The following FARS2 variants were observed in gnomAD, a reference collection of about 807,000 sequenced individuals.
The protein encoded by FARS2 is phenylalanyl-tRNA synthetase 2, mitochondrial, also known as phenylalanine--tRNA ligase, mitochondrial.
FARS2 carries 40 observed loss-of-function variants against 46.4 expected under a neutral mutation model. The observed-to-expected ratio is 0.86, with a 90% confidence interval of 0.67 to 1.12. The LOEUF (loss-of-function observed/expected upper bound fraction) is 1.12, where lower values mean the gene tolerates loss of function less well. FARS2 is among the 50% of genes most tolerant of loss of function. FARS2 has a pLI of 0.00. For missense variants in FARS2, 513 were observed against 567.9 expected (o/e 0.90, Z 0.98); for synonymous variants, 234 against 214.9 (o/e 1.09, Z -0.78).
intron 6 of FARS2, among the ~76,000 whole-genome samples, chr6:5,738,113 G>A (rs958887268): frequency 6.6e-6 from 1 of 152,114 alleles, no homozygotes; most frequent in African/African-American, 2.4e-5. Context: ...ACCACGCCCA[G>A]CTAATTTTTT....
At chr6:5,448,158 C>A (rs1473162852) in intron 4 of FARS2, among the ~76,000 whole-genome samples, 1 of 152,164 alleles carries the variant, frequency 6.6e-6, no homozygotes, top group Non-Finnish European at 1.5e-5. Flanking sequence ...AGAATCCTGG[C>A]ATGTGAGGCT....
intron 4 of FARS2, among the ~76,000 whole-genome samples, chr6:5,502,244 T>G (rs1767847557): frequency 6.6e-6 from 1 of 152,218 alleles, no homozygotes; most frequent in Non-Finnish European, 1.5e-5. Context: ...TTATAGCAAT[T>G]TATTCGTTAA....
intron 4 of FARS2, among the ~76,000 whole-genome samples, chr6:5,461,384 C>A (rs1034141737): frequency 6.6e-6 from 1 of 152,134 alleles, no homozygotes; most frequent in Non-Finnish European, 1.5e-5. Flanking sequence ...CAGTTTTTCT[C>A]CCTGGGACTT....
intron 3 of FARS2, among the ~76,000 whole-genome samples, chr6:5,422,864 T>A (rs1365375759): frequency 6.6e-6 from 1 of 152,280 alleles, no homozygotes; most frequent in South Asian, 2.1e-4. Context: ...TGAAAAAAAA[T>A]ACCCACTGAG....
At chr6:5,493,762 A>T (rs932830093) in intron 4 of FARS2, among the ~76,000 whole-genome samples, 14 of 152,220 alleles carry the variant, frequency 9.2e-5, no homozygotes, top group Non-Finnish European at 1.6e-4. Context: ...TCTCTTACAT[A>T]GTAGGTGCTC....
intron 4 of FARS2, among the ~76,000 whole-genome samples, chr6:5,533,867 C>T (rs1030754461): frequency 1.3e-5 from 2 of 152,282 alleles, no homozygotes; most frequent in South Asian, 4.1e-4. Flanking sequence ...TTTAAGGGGA[C>T]CCGGTGGCAA....
intron 5 of FARS2, among the ~76,000 whole-genome samples, chr6:5,555,693 T>C (rs191553542): frequency 6.6e-6 from 1 of 152,280 alleles, no homozygotes; most frequent in African/African-American, 2.4e-5. Context: ...TCTCAAACTT[T>C]TTCAGTATTT....
chr6:5,610,735 G>A (rs577497011), intron 5 of FARS2, among the ~76,000 whole-genome samples: 18 of 152,182 alleles, frequency 1.2e-4, no homozygotes, highest in African/African-American at 2.4e-4. Flanking sequence ...AATATTGTAC[G>A]TAATCGAAGG....
At chr6:5,565,326 G>T (rs919619326) in intron 5 of FARS2, among the ~76,000 whole-genome samples, 3 of 152,132 alleles carry the variant, frequency 2.0e-5, no homozygotes, top group Non-Finnish European at 4.4e-5. Context: ...TGTTTTGCTT[G>T]AGATTTGTCA....
At chr6:5,412,592 TC>T (rs1296614434) in intron 3 of FARS2, among the ~76,000 whole-genome samples, 8 of 152,238 alleles carry the variant, frequency 5.3e-5, no homozygotes, top group African/African-American at 1.9e-4. Flanking sequence ...AATCACGTCT[TC>T]CATACCTTTT....
At chr6:5,308,192 G>A (rs1054214915) in intron 1 of FARS2, among the ~76,000 whole-genome samples, 3 of 152,106 alleles carry the variant, frequency 2.0e-5, no homozygotes, top group African/African-American at 4.8e-5. Context: ...GATGTGTCCC[G>A]GGAAGAACAA....
rs568095672 is a variant in FARS2, at chr6:5,564,320, G to A, written c.1065+18980G>A. Among the ~76,000 whole-genome samples the A allele has an allele frequency of 2.0e-3, 299 of 152,244 alleles. 4 individuals carry two copies. The highest frequency in any genetic ancestry group is 5.8e-3 in the African/African-American group (241 of 41,548). ...TATTTTCCCAAACAAAGAAACCTCC[G>A]GGTTATGGGCACCTTACTCACTTTC... is the stretch of plus-strand genomic sequence containing the variant. On this transcript the variant is annotated intron_variant, in intron 5 of 6. Transcript: ENST00000274680.
At chr6:5,477,649 T>C (rs1766201734) in intron 4 of FARS2, among the ~76,000 whole-genome samples, 1 of 152,228 alleles carries the variant, frequency 6.6e-6, no homozygotes, top group Non-Finnish European at 1.5e-5. Context: ...AGTTTACAAA[T>C]TATTGTAAAT....
rs190531109 is a variant in FARS2 at position 5,740,752 on chromosome 6, C to G, written c.1218-30539C>G. On this transcript the variant is annotated intron_variant, in intron 6 of 6. Coordinates refer to ENST00000274680, the MANE Select transcript of FARS2 (RefSeq NM_006567.5). ...ATCCAGGACATTGAAGGCAGGGAAA[C>G]AACTCGTTAGTCTGTAACCTGGGGG... is the stretch of plus-strand genomic sequence containing the variant. Among the ~76,000 whole-genome samples the G allele has an allele frequency of 2.6e-5, 4 of 152,276 alleles. No homozygotes were observed. In the East Asian group the frequency reaches 7.7e-4, roughly 29 times the overall value.
rs540725895 is a variant in FARS2, at chr6:5,557,120, A to G, written c.1065+11780A>G. ...GAACTGACGTAGAAAGAAAGGTCGT[A>G]TCAATTAAGTGTTGATGGACAAGTT... On this transcript the variant is annotated intron_variant, in intron 5 of 6. Transcript: ENST00000274680. 6.6e-5 allele frequency among the ~76,000 whole-genome samples: 10 copies of G among 152,310 alleles called. No individual in the cohort carries two copies. The East Asian group carries it at 1.7e-3, about 26-fold the overall frequency.
intron 2 of FARS2, among the ~76,000 whole-genome samples, chr6:5,396,255 CAG>C (rs1407609407): frequency 6.6e-6 from 1 of 152,118 alleles, no homozygotes; most frequent in Non-Finnish European, 1.5e-5. Flanking sequence ...TTAATTTCCT[CAG>C]GGGAAATAAA....
At chr6:5,410,994 G>C (rs1207563361) in intron 3 of FARS2, among the ~76,000 whole-genome samples, 2 of 152,166 alleles carry the variant, frequency 1.3e-5, no homozygotes, top group Non-Finnish European at 2.9e-5. Flanking sequence ...GAGCCCACAG[G>C]CTGACTTCTA....
chr6:5,260,496 C>T (rs1764986901), upstream of FARS2: 2 of 1,041,982 alleles, frequency 1.9e-6, no homozygotes, highest in Non-Finnish European at 2.7e-6. Flanking sequence ...TAGGCAGGAG[C>T]ACGCTTTTCG....
intron 6 of FARS2, among the ~76,000 whole-genome samples, chr6:5,686,280 C>G (rs941042656): frequency 1.3e-5 from 2 of 151,938 alleles, no homozygotes; most frequent in African/African-American, 2.4e-5. Flanking sequence ...TATACATGTG[C>G]CATGTTGGTG....
Sources: allele counts gnomAD v4.1 joint callset (sites outside exome capture counted in the v4.1 genomes callset), GRCh38; gene constraint gnomAD v4.1.1; transcripts MANE v1.5; gene names NCBI Gene and HGNC (gene_info 2026-07-23, HGNC 2026-07-21).